LNX1: variants seen among roughly 807,000 people sequenced by gnomAD.
LNX1 encodes E3 ubiquitin-protein ligase LNX.
Under a neutral mutation model 68.4 loss-of-function variants are expected in LNX1, and 54 were observed. That is an observed-to-expected ratio of 0.79 (90% confidence interval 0.63 to 0.99). The LOEUF (loss-of-function observed/expected upper bound fraction) is 0.99. Among genes scored for constraint, LNX1 ranks in the 50% least tolerant of loss-of-function variants. The pLI, the probability that LNX1 is intolerant of heterozygous loss-of-function variation, is 0.00. For missense variants in LNX1, 906 were observed against 926.4 expected, an observed-to-expected ratio of 0.98 and a Z score of 0.29; for synonymous variants, 336 against 350.0, an observed-to-expected ratio of 0.96 and a Z score of 0.45.
chr4:53,464,215 C>T (rs1394260588), intron 9 of LNX1, among the ~76,000 whole-genome samples: 2 of 151,956 alleles, frequency 1.3e-5, no homozygotes, highest in Non-Finnish European at 2.9e-5. Flanking sequence ...CTTCCTGGCC[C>T]CAATTTATAT....
At chr4:53,597,889 C>T (rs998662249) in intron 2 of LNX1, among the ~76,000 whole-genome samples, 1 of 152,196 alleles carries the variant, frequency 6.6e-6, no homozygotes, top group Non-Finnish European at 1.5e-5. Flanking sequence ...CTCATAACAA[C>T]CAGACTGGAC....
intron 9 of LNX1, among the ~76,000 whole-genome samples, chr4:53,463,420 C>T (rs1174509059): frequency 1.3e-5 from 2 of 151,956 alleles, no homozygotes; most frequent in East Asian, 1.9e-4. Context: ...ATTGCCGCAG[C>T]GAGAACTCCG....
intron 9 of LNX1, among the ~76,000 whole-genome samples, chr4:53,469,953 T>G (rs1723025704): frequency 6.6e-6 from 1 of 152,072 alleles, no homozygotes; most frequent in Admixed American, 6.5e-5. Context: ...ACTATTCCAA[T>G]CAATAGAAAA....
At chr4:53,544,159 A>C (rs1728941679) in intron 2 of LNX1, among the ~76,000 whole-genome samples, 2 of 152,144 alleles carry the variant, frequency 1.3e-5, no homozygotes, top group Admixed American at 6.5e-5. Flanking sequence ...CAGTACATAG[A>C]AATTAGTAAG....
At chr4:53,567,620 G>C (rs1730792737) in intron 2 of LNX1, among the ~76,000 whole-genome samples, 1 of 151,830 alleles carries the variant, frequency 6.6e-6, no homozygotes, top group African/African-American at 2.4e-5. Context: ...TCCAAAGCTA[G>C]CAGAAGGCAA....
rs753008885 is a variant in LNX1 at position 53,573,736 on chromosome 4, C to A, written c.267G>T (p.Lys89Asn). The change falls in exon 2 of 11, where the codon AAG becomes AAT. Residue 89 changes from lysine to asparagine, a missense_variant. Physicochemically the swap from Lys to Asn is moderately conservative, Grantham distance 94. Coordinates refer to ENST00000263925, the MANE Select transcript of LNX1 (RefSeq NM_001126328.3). ...GGAGTTTGTTGACCAGGATGCTGGA[C>A]TTCTTGCAGTGCTGCAGAACCAGAG... ...RKPLVLQHCK[K>N]SSILVNKLLN... is the part of the protein sequence containing the mutation. The A allele has an allele frequency of 3.1e-5, 50 of 1,611,524 alleles. No homozygotes were observed. Among genetic ancestry groups the A allele is most frequent in the Non-Finnish European group, 4.2e-5 (50 of 1,178,972 alleles).
exon 1 of LNX1, chr4:53,652,463 T>C (rs779576535): frequency 2.0e-5 from 3 of 152,260 alleles, no homozygotes; most frequent in Non-Finnish European, 4.4e-5. Context: ...TTAGCATCAG[T>C]GACAAATCTC....
intron 4 of LNX1, among the ~76,000 whole-genome samples, chr4:53,505,633 C>G (rs1477818447): frequency 6.6e-6 from 1 of 152,214 alleles, no homozygotes; most frequent in Non-Finnish European, 1.5e-5. Flanking sequence ...AAGTTCTAAT[C>G]TTTTCATTTA....
chr4:53,594,824 A>C (rs1732681036), upstream of LNX1, among the ~76,000 whole-genome samples: 1 of 151,176 alleles, frequency 6.6e-6, no homozygotes, highest in African/African-American at 2.4e-5. Flanking sequence ...TGATCCTCCC[A>C]CCTCAGCCTC....
intron 2 of LNX1, among the ~76,000 whole-genome samples, chr4:53,615,120 A>G (rs1306055888): frequency 6.6e-6 from 1 of 152,216 alleles, no homozygotes; most frequent in African/African-American, 2.4e-5. Flanking sequence ...CACAGGAGAA[A>G]AATGCCACGA....
At chr4:53,625,808 A>T (rs978636060) in intron 1 of LNX1, among the ~76,000 whole-genome samples, 2 of 151,352 alleles carry the variant, frequency 1.3e-5, no homozygotes, top group African/African-American at 4.9e-5. Flanking sequence ...TCCTGTCTCA[A>T]AATGTTAGTT....
intron 2 of LNX1, among the ~76,000 whole-genome samples, chr4:53,565,685 C>T (rs1199767648): frequency 4.6e-5 from 7 of 151,512 alleles, no homozygotes; most frequent in Admixed American, 2.0e-4. Flanking sequence ...AGGCTTCAGA[C>T]GATCAAATTA....
chr4:53,469,005 G>A (rs934128643), intron 9 of LNX1, among the ~76,000 whole-genome samples: 7 of 152,038 alleles, frequency 4.6e-5, no homozygotes, highest in African/African-American at 1.2e-4. Context: ...AGACATCTAC[G>A]GAACTCTCCA....
chr4:53,470,545 A>C (rs903015091), intron 9 of LNX1, among the ~76,000 whole-genome samples: 17 of 152,194 alleles, frequency 1.1e-4, no homozygotes, highest in Admixed American at 1.0e-3. Flanking sequence ...AGAGGAAGTC[A>C]AATTGTCCCT....
At chr4:53,635,662 C>A (rs534976856) in intron 1 of LNX1, among the ~76,000 whole-genome samples, 7 of 152,188 alleles carry the variant, frequency 4.6e-5, no homozygotes, top group Admixed American at 2.6e-4. Flanking sequence ...TGATTCTATG[C>A]AACTCATGAA....
At chr4:53,542,360 G>A (rs550513815) in intron 2 of LNX1, among the ~76,000 whole-genome samples, 1 of 152,298 alleles carries the variant, frequency 6.6e-6, no homozygotes, top group South Asian at 2.1e-4. Flanking sequence ...GGGGTGGATT[G>A]AGCTGAATGC....
chr4:53,605,906 A>C (rs1733212766), intron 2 of LNX1, among the ~76,000 whole-genome samples: 1 of 152,180 alleles, frequency 6.6e-6, no homozygotes, highest in Admixed American at 6.5e-5. Flanking sequence ...CAATCACCAG[A>C]TATCAGCTGG....
At chr4:53,568,640 T>G (rs948387495) in intron 2 of LNX1, among the ~76,000 whole-genome samples, 2 of 147,010 alleles carry the variant, frequency 1.4e-5, no homozygotes, top group African/African-American at 2.6e-5. Context: ...CTATTCAACA[T>G]AGTGTTGGAA....
intron 2 of LNX1, among the ~76,000 whole-genome samples, chr4:53,565,038 G>C (rs1387255262): frequency 5.9e-5 from 9 of 152,242 alleles, no homozygotes; most frequent in South Asian, 2.1e-4. Flanking sequence ...AGCAGTCTGA[G>C]ATCAAACTGC....
Sources: allele counts gnomAD v4.1 joint callset (sites outside exome capture counted in the v4.1 genomes callset), GRCh38; gene constraint gnomAD v4.1.1; transcripts MANE v1.5; gene names NCBI Gene and HGNC (gene_info 2026-07-23, HGNC 2026-07-21).